Variants in GLB1 observed in about 807,000 individuals in gnomAD.
GLB1 encodes galactosidase beta 1.
Under a neutral mutation model 74.0 loss-of-function variants are expected in GLB1, and 56 were observed. That is an observed-to-expected ratio of 0.76 (90% CI 0.61 to 0.94). The LOEUF (loss-of-function observed/expected upper bound fraction) is 0.94, where lower values mean the gene tolerates loss of function less well. GLB1 is among the 40% of genes least tolerant of loss of function. GLB1 has a pLI of 0.00. For synonymous variants in GLB1, 323 were observed against 323.6 expected (o/e 1.00, Z 0.02); for missense variants, 787 against 845.5 (o/e 0.93, Z 0.86).
intron 5 of GLB1, among the ~76,000 whole-genome samples, chr3:33,059,933 G>C (rs1185445600): frequency 6.6e-6 from 1 of 152,248 alleles, no homozygotes; most frequent in African/African-American, 2.4e-5. Context: ...GAGGTGCTTA[G>C]CCTGAGTGCC....
intron 1 of GLB1, chr3:33,094,409 C>T (rs1384385216): frequency 5.4e-6 from 7 of 1,290,926 alleles, no homozygotes; most frequent in Non-Finnish European, 7.0e-6. Flanking sequence ...TGAATCCAAG[C>T]TACTCAAATA....
At chr3:33,007,453 G>A (rs887571346) in intron 15 of GLB1, among the ~76,000 whole-genome samples, 14 of 152,162 alleles carry the variant, frequency 9.2e-5, no homozygotes, top group African/African-American at 3.1e-4. Flanking sequence ...CATGTAAATG[G>A]AATCATGCAA....
At chr3:32,973,886 G>T in the GLB1 span, among the ~76,000 whole-genome samples, 1 of 152,196 alleles carries the variant, frequency 6.6e-6, no homozygotes, top group Admixed American at 6.5e-5. Context: ...AGCTGAGATT[G>T]TAAGTCCTCT....
chr3:33,080,523 G>T (rs1009846528), intron 1 of GLB1, among the ~76,000 whole-genome samples: 1 of 152,238 alleles, frequency 6.6e-6, no homozygotes, highest in East Asian at 1.9e-4. Flanking sequence ...TGGGGGAATG[G>T]GTTCAGCCCA....
downstream of GLB1, among the ~76,000 whole-genome samples, chr3:32,993,507 C>T (rs1270405478): frequency 1.5e-4 from 23 of 150,360 alleles, no homozygotes; most frequent in Admixed American, 1.5e-3. Context: ...AGGCATGCAC[C>T]ACCACATCCA....
chr3:33,020,020 G>C (rs376474091), intron 12 of GLB1, among the ~76,000 whole-genome samples: 2 of 152,170 alleles, frequency 1.3e-5, no homozygotes, highest in Non-Finnish European at 2.9e-5. Flanking sequence ...ATGGCTGCAC[G>C]TGTTCATATA....
At chr3:33,057,924 T>C (rs764718489) in intron 6 of GLB1, among the ~76,000 whole-genome samples, 165 bp downstream of exon 6, 2 of 152,196 alleles carry the variant, frequency 1.3e-5, no homozygotes, top group African/African-American at 2.4e-5. Context: ...CAGATAACCC[T>C]CTGTTACTGA....
chr3:32,993,296 G>C (rs374088445), downstream of GLB1, among the ~76,000 whole-genome samples: 1 of 152,142 alleles, frequency 6.6e-6, no homozygotes, highest in Admixed American at 6.5e-5. Flanking sequence ...AAAGTAGGTA[G>C]TGTAAGGTGG....
In GLB1 at chr3:32,997,162, C is replaced by G; in HGVS notation, c.1917G>C (p.Val639=). The change falls in exon 16 of 16, where the codon GTG becomes GTC. Residue 639 remains valine, a synonymous_variant. Coordinates refer to ENST00000307363, the MANE Select transcript of GLB1 (RefSeq NM_000404.4). Reference sequence around the variant, plus strand: ...CAGATGAGCCAATAACTGGCCTGTCCACGAACGTCACAGCACATAGTTCTG... The same window carrying G: ...CAGATGAGCCAATAACTGGCCTGTCGACGAACGTCACAGCACATAGTTCTG... ...DDPELCAVTF[V]DRPVIGSSVT... is the part of the protein sequence containing the mutation. The G allele has an allele frequency of 1.9e-6, 3 of 1,614,108 alleles. No homozygotes were observed. Among genetic ancestry groups the G allele is most frequent in the Non-Finnish European group, 2.5e-6 (3 of 1,180,028 alleles).
intron 1 of GLB1, among the ~76,000 whole-genome samples, chr3:33,081,606 C>G (rs573210666): frequency 3.8e-4 from 58 of 152,302 alleles, no homozygotes; most frequent in Non-Finnish European, 6.3e-4. Flanking sequence ...GGAAGCCCCC[C>G]CAGTGGGGCC....
In GLB1 at chr3:32,997,320, T is replaced by G. The variant is rs1353688909; in HGVS notation, c.1759A>C (p.Asn587His). The G allele has an allele frequency of 6.2e-7, 1 of 1,613,378 alleles. No homozygotes were observed. Among genetic ancestry groups the G allele is most frequent in the Non-Finnish European group, 8.5e-7 (1 of 1,179,984 alleles). Residue 587 changes from asparagine to histidine, a missense_variant, in exon 16 of 16, where the codon AAC becomes CAC. By Grantham distance (68) the Asn-to-His change is moderately conservative. Coordinates refer to ENST00000307363, the MANE Select transcript of GLB1 (RefSeq NM_000404.4). ...CGGGCTGGCCAATAGCGGCCAAGGTTAAAGCCATTAATCCAGACCTGGCCC... is the reference window on the plus strand; with the variant it reads ...CGGGCTGGCCAATAGCGGCCAAGGTGAAAGCCATTAATCCAGACCTGGCCC... ...TKGQVWINGF[N>H]LGRYWPARGP... is the part of the protein sequence containing the mutation.
At chr3:32,963,912 C>T in the GLB1 span, among the ~76,000 whole-genome samples, 62 of 152,250 alleles carry the variant, frequency 4.1e-4, no homozygotes, top group Non-Finnish European at 6.9e-4. Context: ...GGAGAACTGA[C>T]TAAAATAAAC....
chr3:33,064,794 A>AAAAG (rs1699605522), intron 5 of GLB1, among the ~76,000 whole-genome samples: 1 of 151,432 alleles, frequency 6.6e-6, no homozygotes, highest in African/African-American at 2.4e-5. Context: ...AAAAAAAAAA[A>AAAAG]AAAAGAGCAT....
intron 1 of GLB1, among the ~76,000 whole-genome samples, chr3:33,083,106 A>C (rs563766340): frequency 6.6e-6 from 1 of 152,148 alleles, no homozygotes; most frequent in Non-Finnish European, 1.5e-5. Context: ...GATCAAAAAA[A>C]GTGGGAATAG....
At chr3:33,091,608 T>A (rs897775626) in intron 1 of GLB1, 102 of 984,128 alleles carry the variant, frequency 1.0e-4, no homozygotes, top group Non-Finnish European at 1.2e-4. Context: ...GCTTGATGGA[T>A]CCCTCCTGAC....
At chr3:33,047,103 C>T (rs889374220) in intron 9 of GLB1, among the ~76,000 whole-genome samples, 10 of 152,242 alleles carry the variant, frequency 6.6e-5, no homozygotes, top group African/African-American at 2.4e-4. Flanking sequence ...CTCTATCCTA[C>T]AGGCATTGCT....
chr3:33,037,078 C>T (rs917915689), intron 10 of GLB1, among the ~76,000 whole-genome samples: 4 of 147,284 alleles, frequency 2.7e-5, no homozygotes, highest in Non-Finnish European at 5.9e-5. Context: ...CAGAGTCTTG[C>T]TCTGTCACCC....
chr3:32,980,578 T>A, the GLB1 span, among the ~76,000 whole-genome samples: 2 of 152,050 alleles, frequency 1.3e-5, no homozygotes, highest in Non-Finnish European at 2.9e-5. Context: ...GTTAGGAGTT[T>A]GAGACCAGCC....
the GLB1 span, among the ~76,000 whole-genome samples, chr3:32,970,120 A>C: frequency 6.6e-6 from 1 of 152,348 alleles, no homozygotes; most frequent in South Asian, 2.1e-4. Context: ...AAGATCAGAC[A>C]ATGAACCAAC....
Sources: gnomAD v4.1 joint callset for allele counts (sites outside exome capture counted in the v4.1 genomes callset) on GRCh38, gnomAD v4.1.1 for gene constraint, MANE v1.5 for transcripts, NCBI Gene and HGNC (gene_info 2026-07-23, HGNC 2026-07-21) for gene names.